The following GABRB1 variants were observed in gnomAD, a reference collection of about 807,000 sequenced individuals.
GABRB1 encodes the protein gamma-aminobutyric acid type A receptor subunit beta1, also known as gamma-aminobutyric acid receptor subunit beta-1.
GABRB1 carries 17 observed loss-of-function variants against 51.6 expected under a neutral mutation model. The ratio of observed to expected loss-of-function variants is 0.33; its 90% CI spans 0.23 to 0.49. GABRB1 has a LOEUF of 0.49. GABRB1 is among the 20% of genes least tolerant of loss of function. GABRB1 has a pLI of 0.99. For synonymous variants in GABRB1, 247 were observed against 218.9 expected, an observed-to-expected ratio of 1.13 and a Z score of -1.14; for missense variants, 410 against 600.6, an observed-to-expected ratio of 0.68 and a Z score of 3.32.
At position 47,042,439 on chromosome 4, in the gene GABRB1, TAA is replaced by T. The variant is rs200280557; in HGVS notation, c.240+9958_240+9959del. 7.2e-3 allele frequency among the ~76,000 whole-genome samples: 1,023 copies of T among 141,830 alleles called. 13 individuals carry two copies. Among genetic ancestry groups the T allele is most frequent in the African/African-American group, 0.019 (723 of 38,628 alleles). The allele number at this position is 141,830 out of a possible 152,430, so 93.0% of individuals were successfully genotyped here. A position where few individuals can be genotyped will look rare whatever the true frequency, so the allele number is the denominator to read the frequency against. On this transcript the variant is annotated intron_variant, in intron 3 of 8. Transcript: ENST00000295454. ...GTATATATATATATATATATATATA[TAA>T]AATACGTGTGTGAGTATGTGCACAG...
intron 4 of GABRB1, among the ~76,000 whole-genome samples, chr4:47,252,452 A>C (rs1162629274): frequency 1.3e-5 from 2 of 151,146 alleles, no homozygotes; most frequent in African/African-American, 4.9e-5. Flanking sequence ...TCTTGCAGTC[A>C]ATCTGGAGCT....
At chr4:47,308,209 G>A (rs1332289121) in intron 4 of GABRB1, among the ~76,000 whole-genome samples, 6 of 151,862 alleles carry the variant, frequency 4.0e-5, no homozygotes, top group Non-Finnish European at 7.4e-5. Context: ...TGAGGAAAAG[G>A]CATCTGATAT....
At chr4:47,105,776 C>A (rs1360258627) in intron 3 of GABRB1, among the ~76,000 whole-genome samples, 1 of 152,096 alleles carries the variant, frequency 6.6e-6, no homozygotes, top group Non-Finnish European at 1.5e-5. Flanking sequence ...GAGGCTTTCC[C>A]AGTTCTCTGC....
At chr4:47,195,394 TGATAGATA>T (rs201594236) in intron 4 of GABRB1, among the ~76,000 whole-genome samples, 8,111 of 91,988 alleles carry the variant, frequency 0.088, 251 homozygotes, top group Non-Finnish European at 0.1. Context: ...GATAGATAGA[TGATAGATA>T]GATAGATAGA....
intron 4 of GABRB1, among the ~76,000 whole-genome samples, chr4:47,274,341 T>C (rs918831808): frequency 6.6e-5 from 10 of 152,310 alleles, no homozygotes; most frequent in South Asian, 2.1e-4. Context: ...TTACAATTAG[T>C]AATTAAATTA....
chr4:47,277,389 G>A (rs894491375), intron 4 of GABRB1, among the ~76,000 whole-genome samples: 9 of 151,940 alleles, frequency 5.9e-5, no homozygotes, highest in Non-Finnish European at 1.0e-4. Context: ...GCTGGGGGAG[G>A]CGGGTATGCT....
At chr4:47,289,549 T>G (rs573819960) in intron 4 of GABRB1, among the ~76,000 whole-genome samples, 10 of 152,326 alleles carry the variant, frequency 6.6e-5, no homozygotes, top group Non-Finnish European at 7.4e-5. Context: ...TTTTTCTATT[T>G]GGTATTTGAT....
At chr4:47,403,044 G>C (rs185516311) in intron 5 of GABRB1, among the ~76,000 whole-genome samples, 10 of 152,288 alleles carry the variant, frequency 6.6e-5, no homozygotes, top group Admixed American at 2.0e-4. Flanking sequence ...ATGCAAATTA[G>C]TAGATACAAT....
At chr4:47,067,190 C>T (rs1327042443) in intron 3 of GABRB1, among the ~76,000 whole-genome samples, 1 of 152,152 alleles carries the variant, frequency 6.6e-6, no homozygotes, top group Non-Finnish European at 1.5e-5. Flanking sequence ...AACTGTGCTG[C>T]AAACAGACAT....
At chr4:47,026,507 A>C (rs1725100412) in intron 1 of GABRB1, among the ~76,000 whole-genome samples, 1 of 152,048 alleles carries the variant, frequency 6.6e-6, no homozygotes, top group Non-Finnish European at 1.5e-5. Context: ...CACAGATATA[A>C]ATGGCAACAC....
At chr4:47,420,232 C>T (rs961643208) in intron 8 of GABRB1, among the ~76,000 whole-genome samples, 3 of 152,162 alleles carry the variant, frequency 2.0e-5, no homozygotes, top group Admixed American at 2.0e-4. Context: ...CCAGAAGGCA[C>T]GGAGCCTAGA....
intron 4 of GABRB1, among the ~76,000 whole-genome samples, chr4:47,199,296 T>C (rs1719805006): frequency 6.6e-6 from 1 of 152,144 alleles, no homozygotes; most frequent in Admixed American, 6.6e-5. Flanking sequence ...GACAAGGGTG[T>C]GGCTGGACAA....
intron 1 of GABRB1, among the ~76,000 whole-genome samples, chr4:47,011,170 G>A (rs1474120990): frequency 6.6e-6 from 1 of 152,142 alleles, no homozygotes; most frequent in East Asian, 1.9e-4. Context: ...AGCTGTGTGG[G>A]AAACATTAGC....
intron 3 of GABRB1, among the ~76,000 whole-genome samples, chr4:47,091,530 A>G (rs147738298): frequency 1.2e-4 from 18 of 152,222 alleles, no homozygotes; most frequent in Middle Eastern, 3.4e-3. Context: ...CCTGCAAGCA[A>G]CCCCTTGGCT....
chr4:47,104,950 T>C (rs184482694), intron 3 of GABRB1, among the ~76,000 whole-genome samples: 1 of 152,236 alleles, frequency 6.6e-6, no homozygotes, highest in Non-Finnish European at 1.5e-5. Context: ...TTTTTGTCTC[T>C]TAACAGCACA....
At chr4:47,311,121 C>T (rs191514429) in intron 4 of GABRB1, among the ~76,000 whole-genome samples, 48 of 149,312 alleles carry the variant, frequency 3.2e-4, no homozygotes, top group Non-Finnish European at 5.9e-4. Context: ...CTGGAGGACG[C>T]GGTGGCTCAC....
chr4:47,264,726 A>G (rs1015540935), intron 4 of GABRB1, among the ~76,000 whole-genome samples: 2 of 152,236 alleles, frequency 1.3e-5, no homozygotes, highest in South Asian at 4.1e-4. Flanking sequence ...TACACTGTAT[A>G]CACCTGGGGG....
intron 4 of GABRB1, among the ~76,000 whole-genome samples, chr4:47,275,325 A>C (rs1723034504): frequency 6.6e-6 from 1 of 152,134 alleles, no homozygotes; most frequent in African/African-American, 2.4e-5. Context: ...AGGAAGGGTT[A>C]AATTAGGAGA....
chr4:47,201,696 T>C (rs928343621), intron 4 of GABRB1, among the ~76,000 whole-genome samples: 4 of 152,150 alleles, frequency 2.6e-5, no homozygotes, highest in Non-Finnish European at 5.9e-5. Flanking sequence ...TACCAATATT[T>C]TTAAATATAT....
Sources: allele counts gnomAD v4.1 joint callset (sites outside exome capture counted in the v4.1 genomes callset), GRCh38; gene constraint gnomAD v4.1.1; transcripts MANE v1.5; gene names NCBI Gene and HGNC (gene_info 2026-07-23, HGNC 2026-07-21).